Variants in RGSL1 observed in about 807,000 individuals in gnomAD.
RGSL1 encodes the protein regulator of G protein signaling protein-like.
RGSL1 carries 97 observed loss-of-function variants against 124.7 expected under a neutral mutation model. That is an observed-to-expected ratio of 0.78 (90% CI 0.66 to 0.92). The LOEUF is 0.92. Among genes scored for constraint, RGSL1 ranks in the 40% least tolerant of loss-of-function variants. RGSL1 has a pLI of 0.00. For missense variants in RGSL1, 1,233 were observed against 1,288.4 expected, an observed-to-expected ratio of 0.96 and a Z score of 0.66; for synonymous variants, 424 against 438.1, an observed-to-expected ratio of 0.97 and a Z score of 0.40.
At chr1:182,517,523 G>A (rs1013675961) in intron 9 of RGSL1, among the ~76,000 whole-genome samples, 11 of 151,684 alleles carry the variant, frequency 7.3e-5, no homozygotes, top group African/African-American at 2.4e-4. Context: ...TTTCTCTTTT[G>A]AGATCACTTT....
Position 182,474,027 on chromosome 1 carries a change from A to G in RGSL1, c.916A>G (p.Ser306Gly). 2 of 1,551,808 alleles carry G rather than the reference A, an allele frequency of 1.3e-6. No individual in the cohort carries two copies. Among genetic ancestry groups the G allele is most frequent in the Non-Finnish European group, 1.7e-6 (2 of 1,147,016 alleles). ...GGCTTCTTCAAAGGAAACAAGAATC[A>G]GTTCCCTGGAAAAGGATATGCATTA... is the stretch of plus-strand genomic sequence containing the variant. ...KMASSKETRI[S>G]SLEKDMHYAK... The change falls in exon 6 of 22, where the codon AGT (serine) becomes GGT (glycine). Residue 306 changes from serine to glycine, a missense_variant. Ser to Gly is a moderately conservative substitution (Grantham distance 56, BLOSUM62 0). Coordinates refer to ENST00000294854, the MANE Select transcript of RGSL1 (RefSeq NM_001137669.2).
chr1:182,492,354 C>G (rs1422793583), intron 8 of RGSL1, among the ~76,000 whole-genome samples: 1 of 152,152 alleles, frequency 6.6e-6, no homozygotes, highest in Non-Finnish European at 1.5e-5. Context: ...CTCAATCCCT[C>G]AACAGATGGA....
chr1:182,473,123 A>T (rs1021080456), intron 5 of RGSL1, among the ~76,000 whole-genome samples: 4 of 152,186 alleles, frequency 2.6e-5, no homozygotes, highest in African/African-American at 9.7e-5. Flanking sequence ...TGTGCTCCAA[A>T]AGATGTGCTG....
chr1:182,554,440 A>G (rs1018339962), intron 19 of RGSL1, among the ~76,000 whole-genome samples, 187 bp from the exon 20 acceptor site: 61 of 152,198 alleles, frequency 4.0e-4, no homozygotes, highest in African/African-American at 1.5e-3. Flanking sequence ...AAACACACAA[A>G]TTGCAGCATA....
chr1:182,467,164 T>C (rs1311798506), intron 4 of RGSL1, among the ~76,000 whole-genome samples: 1 of 152,010 alleles, frequency 6.6e-6, no homozygotes, highest in African/African-American at 2.4e-5. Context: ...GTAGGAAGAA[T>C]CAATATCGTG....
chr1:182,489,512 A>T (rs115511940), intron 8 of RGSL1, among the ~76,000 whole-genome samples: 142 of 152,328 alleles, frequency 9.3e-4, no homozygotes, highest in African/African-American at 3.3e-3. Context: ...AAGCATCACC[A>T]TAGTTGATGC....
At chr1:182,526,502 TA>T (rs201438323) in intron 10 of RGSL1, among the ~76,000 whole-genome samples, 39 of 147,826 alleles carry the variant, frequency 2.6e-4, no homozygotes, top group East Asian at 2.0e-3. Flanking sequence ...ACTCCGTCTC[TA>T]AAAAAAAAAA....
intron 15 of RGSL1, among the ~76,000 whole-genome samples, chr1:182,547,073 C>T (rs1660256844): frequency 6.6e-6 from 1 of 152,244 alleles, no homozygotes; most frequent in African/African-American, 2.4e-5. Flanking sequence ...GGATTTAGCT[C>T]ATTTCCACAG....
chr1:182,552,424 T>C (rs1022741128), intron 18 of RGSL1, among the ~76,000 whole-genome samples: 1 of 152,188 alleles, frequency 6.6e-6, no homozygotes, highest in Non-Finnish European at 1.5e-5. Flanking sequence ...CAAAAGGGAA[T>C]TTTAACAAGG....
intron 9 of RGSL1, among the ~76,000 whole-genome samples, chr1:182,521,626 G>A (rs971998926): frequency 1.3e-5 from 2 of 152,216 alleles, no homozygotes; most frequent in Non-Finnish European, 2.9e-5. Flanking sequence ...GAAAGATTTA[G>A]GATAGGACAA....
intron 1 of RGSL1, chr1:182,450,457 G>T: frequency 1.9e-6 from 1 of 521,920 alleles, no homozygotes; most frequent in Non-Finnish European, 3.5e-6. Flanking sequence ...CCAGAGAGAA[G>T]ACTGGTATGG....
intron 15 of RGSL1, among the ~76,000 whole-genome samples, chr1:182,545,113 A>T (rs1012121920): frequency 2.0e-5 from 3 of 151,972 alleles, no homozygotes; most frequent in Admixed American, 1.3e-4. Context: ...TTTCTCTGGT[A>T]CTGTATTTTA....
Position 182,534,047 on chromosome 1 carries a change from G to A in RGSL1, c.2494+1256G>A, listed in dbSNP as rs146748314. On this transcript the variant is annotated intron_variant, in intron 14 of 21. Coordinates refer to ENST00000294854, the MANE Select transcript of RGSL1 (RefSeq NM_001137669.2). The stretch of plus-strand genomic sequence containing the variant: ...TTGAGATGAGACTGGAAGGATAGGC[G>A]GTGACAAATCATGACTCTCTTGATG... Among the ~76,000 whole-genome samples the A allele has an allele frequency of 4.7e-3, 711 of 152,276 alleles. 8 individuals carry two copies. Among genetic ancestry groups the A allele is most frequent in the African/African-American group, 0.016 (682 of 41,546 alleles).
In RGSL1 at chr1:182,535,945, C is replaced by T. The variant is rs1448290128; in HGVS notation, c.2494+3154C>T. Among the ~76,000 whole-genome samples, 3 of 152,160 alleles carry T rather than the reference C, an allele frequency of 2.0e-5. No individual in the cohort carries two copies. In the East Asian group the frequency reaches 5.8e-4, roughly 29 times the overall value. The stretch of plus-strand genomic sequence containing the variant: ...TTTAATCAACACCCTCCCCGCTCCA[C>T]TACTACTCTCTGGTCTGGCAACAAC... On this transcript the variant is annotated intron_variant, in intron 14 of 21. Transcript: ENST00000294854.
intron 9 of RGSL1, among the ~76,000 whole-genome samples, chr1:182,517,701 A>G (rs1349617093): frequency 2.0e-5 from 3 of 152,222 alleles, no homozygotes; most frequent in African/African-American, 7.2e-5. Flanking sequence ...ATGTATTTCT[A>G]AGTTCCAAGA....
At chr1:182,548,220 G>A in intron 15 of RGSL1, 97 bp from the exon 16 acceptor site, 2 of 1,328,140 alleles carry the variant, frequency 1.5e-6, no homozygotes, top group Non-Finnish European at 1.0e-6. Context: ...AACTGGCCTT[G>A]CGTTTTTTGG....
intron 18 of RGSL1, among the ~76,000 whole-genome samples, chr1:182,552,117 A>ATTT (rs202109914): frequency 6.8e-6 from 1 of 146,656 alleles, no homozygotes; most frequent in Admixed American, 6.8e-5. Context: ...GCAAAAGGGA[A>ATTT]TTTTTTTTTT....
chr1:182,544,846 C>A (rs1483397187), intron 15 of RGSL1, among the ~76,000 whole-genome samples: 1 of 151,960 alleles, frequency 6.6e-6, no homozygotes. Context: ...CATAGAATAT[C>A]TTTTTCCATC....
At position 182,508,410 on chromosome 1, in the gene RGSL1, CTG is replaced by C. The variant is rs1657011449; in HGVS notation, c.1826-13593_1826-13592del. Among the ~76,000 whole-genome samples, 5 of 148,474 alleles carry C rather than the reference CTG, an allele frequency of 3.4e-5. No individual in the cohort carries two copies. The South Asian group carries it at 1.1e-3, about 32-fold the overall frequency. ...CGCCTCCCGGGTTCAAGTGATTCTC[CTG>C]CCTCAGCCTCCTGAATAGCTGGGAT... On this transcript the variant is annotated intron_variant, in intron 9 of 21. Coordinates refer to ENST00000294854, the MANE Select transcript of RGSL1 (RefSeq NM_001137669.2).
Sources: allele counts gnomAD v4.1 joint callset (sites outside exome capture counted in the v4.1 genomes callset), GRCh38; gene constraint gnomAD v4.1.1; transcripts MANE v1.5; gene names NCBI Gene and HGNC (gene_info 2026-07-23, HGNC 2026-07-21).